SVOP: variants seen among roughly 807,000 people sequenced by gnomAD.
SVOP encodes the protein SV2 related protein, also known as synaptic vesicle 2-related protein.
Under a neutral mutation model 69.1 loss-of-function variants are expected in SVOP, and 17 were observed. That is an observed-to-expected ratio of 0.25 (90% confidence interval 0.17 to 0.37). The LOEUF (loss-of-function observed/expected upper bound fraction) is 0.37. Ranked by LOEUF, SVOP falls within the 10% of genes least tolerant of loss-of-function variation. SVOP has a pLI of 1.00. For missense variants in SVOP, 435 were observed against 597.5 expected (o/e 0.73, Z 2.84); for synonymous variants, 238 against 238.6 (o/e 1.00, Z 0.02).
intron 5 of SVOP, among the ~76,000 whole-genome samples, 180 bp downstream of exon 5, chr12:108,972,225 C>T (rs1249497222): frequency 6.6e-6 from 1 of 151,764 alleles, no homozygotes; most frequent in Non-Finnish European, 1.5e-5. Flanking sequence ...GTGGGCCCCA[C>T]TAGGAATCTG....
intron 9 of SVOP, among the ~76,000 whole-genome samples, chr12:108,938,033 A>C (rs1033073736): frequency 2.0e-5 from 3 of 152,152 alleles, no homozygotes; most frequent in Non-Finnish European, 2.9e-5. Context: ...CCTCTTGAGG[A>C]ATCCATCCTG....
At chr12:108,985,070 G>T (rs1045252302) in intron 1 of SVOP, among the ~76,000 whole-genome samples, 49,112 of 151,464 alleles carry the variant, frequency 0.32, 8,399 homozygotes, top group African/African-American at 0.42. Flanking sequence ...CTACAAAAAA[G>T]AAAAAAATTA....
At position 108,910,369 on chromosome 12, in the gene SVOP, A is replaced by G. The variant is rs1056152514; in HGVS notation, c.*2166T>C. 3.2e-4 allele frequency: 49 copies of G among 152,336 alleles called. No homozygotes were observed. The highest frequency in any genetic ancestry group is 1.1e-3 in the African/African-American group (47 of 41,542). The allele number at this position is 152,336 out of a possible 1,614,324, so 9.4% of individuals were successfully genotyped here. On this transcript the variant is annotated 3_prime_UTR_variant, in exon 16 of 16. Transcript: ENST00000610966. Reference sequence around the variant, plus strand: ...GCCCACCAAGCACTCTATCCCCCCCAGCCCCCAGCTCCACTGGGTTATTCT... The same window carrying G: ...GCCCACCAAGCACTCTATCCCCCCCGGCCCCCAGCTCCACTGGGTTATTCT...
intron 1 of SVOP, among the ~76,000 whole-genome samples, chr12:108,997,269 G>A (rs1404903855): frequency 1.3e-5 from 2 of 152,166 alleles, no homozygotes; most frequent in African/African-American, 4.8e-5. Flanking sequence ...AAAAAACGGC[G>A]CACCACGAGA....
chr12:109,012,284 A>C (rs2135631795), intron 1 of SVOP, among the ~76,000 whole-genome samples: 1 of 149,394 alleles, frequency 6.7e-6, no homozygotes, highest in South Asian at 2.1e-4. Context: ...CTGTCTCAGA[A>C]AAAAAAAAAA....
intron 2 of SVOP, among the ~76,000 whole-genome samples, chr12:108,982,732 TATCATCATCACCATC>T (rs2040145051): frequency 3.0e-5 from 3 of 98,910 alleles, no homozygotes; most frequent in African/African-American, 1.2e-4. Flanking sequence ...TCATCATCAC[TATCATCATCACCATC>T]ATCATCATCA....
At chr12:108,976,002 G>A (rs1227433228) in intron 4 of SVOP, among the ~76,000 whole-genome samples, 2 of 152,038 alleles carry the variant, frequency 1.3e-5, no homozygotes, top group Admixed American at 6.6e-5. Context: ...TGACCAGCCT[G>A]CAGTTACTCT....
rs1447643469 is a variant in SVOP, at chr12:108,909,528, G to A, written c.*3007C>T. ...TTTTGCCATTGAAAATAATGGCAGG[G>A]GAGACTCTTGATCTTATCATTCAAG... is the stretch of plus-strand genomic sequence containing the variant. On this transcript the variant is annotated 3_prime_UTR_variant, in exon 16 of 16. Transcript: ENST00000610966. 6.6e-6 allele frequency: 1 copy of A among 151,082 alleles called. No homozygotes were observed. Among genetic ancestry groups the A allele is most frequent in the Non-Finnish European group, 1.5e-5 (1 of 67,916 alleles). 9.4% of individuals were successfully genotyped at this position (151,082 alleles called of 1,614,324 possible).
At chr12:108,963,857 C>G (rs186260752) in intron 5 of SVOP, among the ~76,000 whole-genome samples, 1 of 152,178 alleles carries the variant, frequency 6.6e-6, no homozygotes, top group Admixed American at 6.6e-5. Flanking sequence ...ACAGAAGGCA[C>G]TGGGACAACC....
chr12:108,957,802 C>T lies in SVOP; in HGVS notation c.578+3121G>A, dbSNP rs150191687. ...AACCGTCTAGATCAGCGAGAGTGCT[C>T]GCTGAAGCTGAGAGGAATTTAGAAT... On this transcript the variant is annotated intron_variant, in intron 6 of 15. Coordinates refer to ENST00000610966, the MANE Select transcript of SVOP (RefSeq NM_018711.5). 2.1e-3 allele frequency among the ~76,000 whole-genome samples: 318 copies of T among 152,344 alleles called. 4 individuals carry two copies. The highest frequency in any genetic ancestry group is 6.2e-3 in the Admixed American group (95 of 15,300).
chr12:108,917,791 C>T (rs547900970), intron 14 of SVOP, among the ~76,000 whole-genome samples: 39 of 152,092 alleles, frequency 2.6e-4, no homozygotes, highest in African/African-American at 8.2e-4. Context: ...TACAGGTGTG[C>T]GCCACCACAG....
At chr12:108,952,981 C>T (rs1250108858) in intron 6 of SVOP, among the ~76,000 whole-genome samples, 1 of 151,938 alleles carries the variant, frequency 6.6e-6, no homozygotes, top group Non-Finnish European at 1.5e-5. Context: ...TTAGTCTGAG[C>T]AGAACATTTA....
At chr12:109,005,110 A>G (rs947674724) in intron 1 of SVOP, among the ~76,000 whole-genome samples, 7 of 152,170 alleles carry the variant, frequency 4.6e-5, no homozygotes, top group Non-Finnish European at 8.8e-5. Context: ...AGTTCAGGCT[A>G]TCAGAGTTCA....
At chr12:109,017,173 G>A (rs2040371928) in intron 1 of SVOP, among the ~76,000 whole-genome samples, 1 of 152,242 alleles carries the variant, frequency 6.6e-6, no homozygotes, top group Non-Finnish European at 1.5e-5. Flanking sequence ...CCTTGGGTGA[G>A]TGAGCATTAC....
intron 6 of SVOP, among the ~76,000 whole-genome samples, chr12:108,953,294 A>G (rs1337485816): frequency 6.6e-6 from 1 of 151,958 alleles, no homozygotes; most frequent in Admixed American, 6.6e-5. Flanking sequence ...GATTACAGGC[A>G]TGTGCCACCA....
chr12:108,908,847 T>C lies in SVOP; in HGVS notation c.*3688A>G, dbSNP rs2039663157. On this transcript the variant is annotated 3_prime_UTR_variant, in exon 16 of 16. Transcript: ENST00000610966. ...TGTTCAGGAGGCTGTGGGTATCCCT[T>C]GGTGCTCGTAGGCCCTTCCTTCCAG... 1 of 152,206 alleles carries C rather than the reference T, an allele frequency of 6.6e-6. No homozygotes were observed. The highest frequency in any genetic ancestry group is 2.4e-5 in the African/African-American group (1 of 41,442). The allele number at this position is 152,206 out of a possible 1,614,324, so 9.4% of individuals were successfully genotyped here.
At chr12:108,942,197 T>C (rs995471453) in intron 7 of SVOP, among the ~76,000 whole-genome samples, 1 of 152,228 alleles carries the variant, frequency 6.6e-6, no homozygotes, top group Non-Finnish European at 1.5e-5. Context: ...TAAGGCTGAA[T>C]AATATTCCAA....
At chr12:109,005,430 C>T (rs2040300562) in intron 1 of SVOP, among the ~76,000 whole-genome samples, 1 of 152,154 alleles carries the variant, frequency 6.6e-6, no homozygotes, top group Admixed American at 6.5e-5. Flanking sequence ...TTCAGTACTT[C>T]CATAAGCATC....
intron 1 of SVOP, among the ~76,000 whole-genome samples, chr12:109,002,968 T>C (rs977072055): frequency 7.1e-6 from 1 of 140,444 alleles, no homozygotes; most frequent in South Asian, 2.2e-4. Flanking sequence ...TAAAAAAAAT[T>C]AAAAAATTAA....
Sources: allele counts gnomAD v4.1 joint callset (sites outside exome capture counted in the v4.1 genomes callset), GRCh38; gene constraint gnomAD v4.1.1; transcripts MANE v1.5; gene names NCBI Gene and HGNC (gene_info 2026-07-23, HGNC 2026-07-21).